Variants in RERG observed in about 807,000 individuals in gnomAD.
RERG encodes RAS like estrogen regulated growth inhibitor, also known as ras-related and estrogen-regulated growth inhibitor.
Under a neutral mutation model 23.2 loss-of-function variants are expected in RERG, and 25 were observed. The observed-to-expected ratio is 1.08, with a 90% confidence interval of 0.79 to 1.50. The LOEUF (loss-of-function observed/expected upper bound fraction) is 1.50. Among genes scored for constraint, RERG ranks in the 40% most tolerant of loss-of-function variants. RERG has a pLI of 0.00. For missense variants in RERG, 253 were observed against 250.1 expected, an observed-to-expected ratio of 1.01 and a Z score of -0.08; for synonymous variants, 81 against 89.1, an observed-to-expected ratio of 0.91 and a Z score of 0.51.
At chr12:15,120,518 T>C (rs138437199) in intron 3 of RERG, among the ~76,000 whole-genome samples, 48 of 151,842 alleles carry the variant, frequency 3.2e-4, no homozygotes, top group African/African-American at 1.1e-3. Context: ...AGGAAGAGTG[T>C]TTGCCTACAT....
chr12:15,129,514 C>T (rs1423634933), intron 2 of RERG, among the ~76,000 whole-genome samples: 1 of 152,216 alleles, frequency 6.6e-6, no homozygotes. Context: ...TTATTGACCA[C>T]TGTGCAAAGC....
chr12:15,215,533 A>C (rs1410597140), intron 2 of RERG, among the ~76,000 whole-genome samples: 1 of 152,198 alleles, frequency 6.6e-6, no homozygotes, highest in African/African-American at 2.4e-5. Context: ...AATGATCATT[A>C]GATGTGTTGG....
intron 2 of RERG, among the ~76,000 whole-genome samples, chr12:15,201,304 A>T (rs1865211327): frequency 6.6e-6 from 1 of 151,874 alleles, no homozygotes; most frequent in Admixed American, 6.6e-5. Flanking sequence ...TTAGTTCTGT[A>T]AATCAACTCA....
chr12:15,143,186 A>G (rs1333028951), intron 2 of RERG, among the ~76,000 whole-genome samples: 4 of 152,172 alleles, frequency 2.6e-5, no homozygotes, highest in Admixed American at 2.6e-4. Flanking sequence ...GCTTAAGCAC[A>G]CTAAAAGAAA....
intron 2 of RERG, among the ~76,000 whole-genome samples, chr12:15,142,506 T>C (rs1248523656): frequency 6.6e-6 from 1 of 152,224 alleles, no homozygotes; most frequent in Non-Finnish European, 1.5e-5. Context: ...TCATCAAAGA[T>C]TGTTTTGCTT....
chr12:15,119,196 G>A (rs1267353349), intron 3 of RERG, among the ~76,000 whole-genome samples: 1 of 152,178 alleles, frequency 6.6e-6, no homozygotes, highest in Non-Finnish European at 1.5e-5. Context: ...TCTTTGAGAA[G>A]TACTGTACAA....
intron 2 of RERG, among the ~76,000 whole-genome samples, chr12:15,195,654 A>C (rs1023025631): frequency 6.6e-6 from 1 of 151,246 alleles, no homozygotes; most frequent in African/African-American, 2.4e-5. Flanking sequence ...TCCATTCAGC[A>C]TCTATTCGTC....
intron 2 of RERG, among the ~76,000 whole-genome samples, chr12:15,193,634 T>G (rs1027720710): frequency 6.6e-6 from 1 of 152,190 alleles, no homozygotes; most frequent in Non-Finnish European, 1.5e-5. Flanking sequence ...AAACTCAAGA[T>G]GACAGCTTTA....
intron 2 of RERG, among the ~76,000 whole-genome samples, chr12:15,184,663 C>T (rs1467489909): frequency 6.6e-6 from 1 of 152,148 alleles, no homozygotes; most frequent in Non-Finnish European, 1.5e-5. Context: ...GACAGCAAAT[C>T]ATAATGACAG....
In RERG at chr12:15,205,536, C is replaced by A. The variant is rs558667830; in HGVS notation, c.61+11893G>T. 2.0e-5 allele frequency among the ~76,000 whole-genome samples: 3 copies of A among 152,166 alleles called. No homozygotes were observed. In the South Asian group the frequency reaches 6.2e-4, roughly 32 times the overall value. On this transcript the variant is annotated intron_variant, in intron 2 of 4. Transcript: ENST00000256953. ...TTCATACTACCATGTATGGCTGAGT[C>A]TTCCTTTAAACCGTCAAACTCAACA... is the stretch of plus-strand genomic sequence containing the variant.
chr12:15,150,432 A>C (rs948677168), intron 2 of RERG, among the ~76,000 whole-genome samples: 1 of 152,146 alleles, frequency 6.6e-6, no homozygotes, highest in African/African-American at 2.4e-5. Context: ...TCTCTGTTTC[A>C]TTTTCATTAC....
intron 2 of RERG, among the ~76,000 whole-genome samples, chr12:15,160,308 G>A (rs1404452961): frequency 6.6e-6 from 1 of 152,080 alleles, no homozygotes; most frequent in African/African-American, 2.4e-5. Context: ...AACCATGCGC[G>A]GGTACCGACC....
intron 3 of RERG, among the ~76,000 whole-genome samples, chr12:15,118,050 T>C (rs1275194868): frequency 1.3e-5 from 2 of 152,100 alleles, no homozygotes; most frequent in Non-Finnish European, 2.9e-5. Flanking sequence ...AACTGATTTT[T>C]TTTACATTGT....
chr12:15,212,776 C>T (rs1865386762), intron 2 of RERG, among the ~76,000 whole-genome samples: 1 of 152,050 alleles, frequency 6.6e-6, no homozygotes. Flanking sequence ...ATAAATATAT[C>T]TCAGCCTGAA....
intron 2 of RERG, among the ~76,000 whole-genome samples, chr12:15,183,496 T>C (rs1462380868): frequency 2.0e-5 from 3 of 152,154 alleles, no homozygotes; most frequent in Non-Finnish European, 4.4e-5. Flanking sequence ...TCTCAATTTT[T>C]AGTGAAAGAA....
chr12:15,158,557 C>T (rs1247473542), intron 2 of RERG, among the ~76,000 whole-genome samples: 4 of 152,132 alleles, frequency 2.6e-5, no homozygotes, highest in Non-Finnish European at 2.9e-5. Context: ...GCTGGGATTA[C>T]AAGTGTGAAC....
intron 2 of RERG, among the ~76,000 whole-genome samples, chr12:15,195,319 C>T (rs948675268): frequency 6.6e-6 from 1 of 152,084 alleles, no homozygotes; most frequent in Non-Finnish European, 1.5e-5. Context: ...TCCTGCCTCC[C>T]CTTTCCACCT....
At chr12:15,159,459 T>G (rs920573510) in intron 2 of RERG, among the ~76,000 whole-genome samples, 2 of 152,262 alleles carry the variant, frequency 1.3e-5, no homozygotes, top group African/African-American at 4.8e-5. Flanking sequence ...ATTTGGCCTC[T>G]CAGGATTTTT....
At chr12:15,163,570 A>G (rs1268119021) in intron 2 of RERG, among the ~76,000 whole-genome samples, 1 of 152,194 alleles carries the variant, frequency 6.6e-6, no homozygotes, top group African/African-American at 2.4e-5. Context: ...GGGTCTAGCC[A>G]GGAAAACAGA....
Sources: allele counts gnomAD v4.1 joint callset (sites outside exome capture counted in the v4.1 genomes callset), GRCh38; gene constraint gnomAD v4.1.1; transcripts MANE v1.5; gene names NCBI Gene and HGNC (gene_info 2026-07-23, HGNC 2026-07-21).